Variants in FAM228B observed in about 807,000 individuals in gnomAD.
FAM228B encodes the protein protein FAM228B.
Under a neutral mutation model 42.6 loss-of-function variants are expected in FAM228B, and 38 were observed. The observed-to-expected ratio is 0.89, with a 90% CI of 0.69 to 1.17. FAM228B has a LOEUF of 1.17. Ranked by LOEUF, FAM228B falls within the 50% of genes most tolerant of loss-of-function variation. The pLI is 0.00. For missense variants in FAM228B, 344 were observed against 367.3 expected (o/e 0.94, Z 0.52); for synonymous variants, 109 against 122.3 (o/e 0.89, Z 0.72).
At chr2:24,153,617 G>A (rs1436166486) in intron 7 of FAM228B, among the ~76,000 whole-genome samples, 2 of 152,194 alleles carry the variant, frequency 1.3e-5, no homozygotes, top group African/African-American at 4.8e-5. Context: ...TAAGCAGAAG[G>A]AAGGTGTCAC....
At chr2:24,143,876 G>A (rs1001996092) in intron 5 of FAM228B, among the ~76,000 whole-genome samples, 14 of 151,928 alleles carry the variant, frequency 9.2e-5, no homozygotes, top group Non-Finnish European at 1.3e-4. Context: ...AGCTGGGTGC[G>A]GTGGCTTACG....
intron 3 of FAM228B, among the ~76,000 whole-genome samples, chr2:24,099,084 G>A (rs897079737): frequency 6.6e-6 from 1 of 152,074 alleles, no homozygotes; most frequent in Non-Finnish European, 1.5e-5. Context: ...ATTCAACAGT[G>A]CTTCATGCTA....
intron 2 of FAM228B, among the ~76,000 whole-genome samples, chr2:24,092,966 A>ACACACC (rs1491070163): frequency 2.0e-5 from 3 of 146,396 alleles, no homozygotes; most frequent in Non-Finnish European, 4.5e-5. Flanking sequence ...ACACACACAC[A>ACACACC]CCATGTACAG....
At chr2:24,109,154 A>G (rs1665748297) in intron 3 of FAM228B, among the ~76,000 whole-genome samples, 1 of 149,030 alleles carries the variant, frequency 6.7e-6, no homozygotes, top group Admixed American at 6.7e-5. Flanking sequence ...AAAGTTGACA[A>G]AAAAAAAGAG....
intron 7 of FAM228B, among the ~76,000 whole-genome samples, chr2:24,148,302 T>A (rs772024849): frequency 2.6e-5 from 4 of 152,214 alleles, no homozygotes; most frequent in Admixed American, 6.5e-5. Context: ...CACGGGAGTA[T>A]ACCACTGTTG....
intron 3 of FAM228B, among the ~76,000 whole-genome samples, chr2:24,135,976 G>GTTTTT (rs34144721): frequency 1.2e-5 from 1 of 84,292 alleles, no homozygotes; most frequent in African/African-American, 4.7e-5. Context: ...ATAGTGAAGG[G>GTTTTT]TTTTTTTTTT....
At chr2:24,115,552 A>G (rs1255965070) in intron 3 of FAM228B, 2 of 1,596,420 alleles carry the variant, frequency 1.3e-6, no homozygotes, top group Admixed American at 3.4e-5. Flanking sequence ...TTCTAAAATA[A>G]TAAAATTGTC....
At chr2:24,098,239 C>T (rs1171959318) in intron 3 of FAM228B, among the ~76,000 whole-genome samples, 4 of 151,906 alleles carry the variant, frequency 2.6e-5, no homozygotes, top group Non-Finnish European at 5.9e-5. Context: ...GAAGCAAGAG[C>T]AAACAAATTC....
chr2:24,165,249 GC>G, intron 9 of FAM228B: 2 of 333,172 alleles, frequency 6.0e-6, no homozygotes, highest in Admixed American at 6.5e-5. Flanking sequence ...TGACAAGTTT[GC>G]AGGGCTTGTA....
Position 24,138,035 on chromosome 2 carries a change from C to T in FAM228B, c.295C>T (p.His99Tyr). 2 of 1,546,476 alleles carry T rather than the reference C, an allele frequency of 1.3e-6. No individual in the cohort carries two copies. The highest frequency in any genetic ancestry group is 4.9e-5 in the East Asian group (2 of 40,792). Reference protein sequence around the residue: ...QKKIIEKVCSHKKIKKRRQGE... With the variant: ...QKKIIEKVCSYKKIKKRRQGE... The stretch of plus-strand genomic sequence containing the variant: ...GAAAATTATAGAAAAAGTTTGCTCA[C>T]ATAAGAAGATTAAAAAAAGGAGGCA... The change falls in exon 4 of 11, where the codon CAT becomes TAT. Residue 99 changes from histidine (H) to tyrosine (Y), a missense_variant. Coordinates refer to ENST00000615575, the MANE Select transcript of FAM228B (RefSeq NM_001145710.2).
chr2:24,151,144 T>G (rs1667011362), intron 7 of FAM228B, among the ~76,000 whole-genome samples: 1 of 152,208 alleles, frequency 6.6e-6, no homozygotes, highest in African/African-American at 2.4e-5. Context: ...CTCCTCTGAA[T>G]GTCTATTTTC....
intron 9 of FAM228B, among the ~76,000 whole-genome samples, chr2:24,167,425 A>G (rs1181938409): frequency 6.6e-6 from 1 of 150,806 alleles, no homozygotes; most frequent in Admixed American, 6.6e-5. Flanking sequence ...ATACCGGAGG[A>G]GGATTTGTAG....
intron 3 of FAM228B, chr2:24,097,356 T>G (rs1450854138): frequency 6.8e-6 from 1 of 147,594 alleles, no homozygotes; most frequent in Non-Finnish European, 1.5e-5. Flanking sequence ...TCAAGACCCA[T>G]CAATGTGCTG....
At chr2:24,100,808 G>A (rs894282865) in intron 3 of FAM228B, among the ~76,000 whole-genome samples, 1 of 152,138 alleles carries the variant, frequency 6.6e-6, no homozygotes, top group Non-Finnish European at 1.5e-5. Flanking sequence ...AAAGACATAT[G>A]CACACGTATG....
rs1573768395 is a variant in FAM228B, at chr2:24,138,037, T to G, written c.297T>G (p.His99Gln). 1.3e-6 allele frequency: 2 copies of G among 1,546,374 alleles called. No homozygotes were observed. The highest frequency in any genetic ancestry group is 1.7e-6 in the Non-Finnish European group (2 of 1,145,830). The change falls in exon 4 of 11, where the codon CAT (histidine) becomes CAG (glutamine). Residue 99 changes from histidine (H) to glutamine (Q), a missense_variant. His to Gln is a conservative substitution (Grantham distance 24). Coordinates refer to ENST00000615575, the MANE Select transcript of FAM228B (RefSeq NM_001145710.2). Reference sequence around the variant, plus strand: ...AAATTATAGAAAAAGTTTGCTCACATAAGAAGATTAAAAAAAGGAGGCAAG... The same window carrying G: ...AAATTATAGAAAAAGTTTGCTCACAGAAGAAGATTAAAAAAAGGAGGCAAG... ...QKKIIEKVCS[H>Q]KKIKKRRQGE...
At chr2:24,159,989 ATT>A (rs35525139) in intron 7 of FAM228B, among the ~76,000 whole-genome samples, 38 of 113,816 alleles carry the variant, frequency 3.3e-4, no homozygotes, top group Non-Finnish European at 4.7e-4. Context: ...TTTTCTTTTC[ATT>A]TTTTTTTTTT....
chr2:24,164,100 C>A, intron 8 of FAM228B, 98 bp from the exon 9 acceptor site: 2 of 1,114,842 alleles, frequency 1.8e-6, no homozygotes, highest in Non-Finnish European at 2.5e-6. Context: ...CACAAATTCA[C>A]ATAGAACTCA....
At chr2:24,087,828 C>T (rs957381148) in intron 2 of FAM228B, among the ~76,000 whole-genome samples, 2 of 146,012 alleles carry the variant, frequency 1.4e-5, no homozygotes, top group African/African-American at 2.6e-5. Context: ...GTCACCCAGG[C>T]GATCTCGGCT....
intron 9 of FAM228B, among the ~76,000 whole-genome samples, chr2:24,167,176 G>A (rs1411047607): frequency 6.6e-6 from 1 of 152,234 alleles, no homozygotes; most frequent in Non-Finnish European, 1.5e-5. Flanking sequence ...GCAGTTGAGG[G>A]TTCCAGGCCA....
Sources: gnomAD v4.1 joint callset for allele counts (sites outside exome capture counted in the v4.1 genomes callset) on GRCh38, gnomAD v4.1.1 for gene constraint, MANE v1.5 for transcripts, NCBI Gene and HGNC (gene_info 2026-07-23, HGNC 2026-07-21) for gene names.